SLC9A7: variants seen among roughly 807,000 people sequenced by gnomAD.
The protein encoded by SLC9A7 is sodium/hydrogen exchanger 7.
A neutral mutation model predicts 52.6 loss-of-function variants in SLC9A7; 19 were observed. The ratio of observed to expected loss-of-function variants is 0.36; its 90% CI spans 0.25 to 0.53. The LOEUF is 0.53. SLC9A7 is among the 20% of genes least tolerant of loss of function. The pLI is 0.91. For synonymous variants in SLC9A7, 226 were observed against 252.1 expected, an observed-to-expected ratio of 0.90 and a Z score of 0.98; for missense variants, 455 against 597.9, an observed-to-expected ratio of 0.76 and a Z score of 2.49.
chrX:46,656,710 T>C (rs1275023899), intron 7 of SLC9A7, among the ~76,000 whole-genome samples: 3 of 111,295 alleles, frequency 2.7e-5, no homozygotes, highest in Non-Finnish European at 5.7e-5. Flanking sequence ...CTCCAAGAAA[T>C]ATGGGATTAT....
At chrX:46,708,062 C>T (rs917956065) in intron 1 of SLC9A7, among the ~76,000 whole-genome samples, 3 of 112,248 alleles carry the variant, frequency 2.7e-5, no homozygotes, top group Non-Finnish European at 5.6e-5. Context: ...TTAGTGCCAG[C>T]TACTTGGGAG....
At chrX:46,641,840 G>A (rs1943410770) in intron 12 of SLC9A7, among the ~76,000 whole-genome samples, 1 of 111,880 alleles carries the variant, frequency 8.9e-6, no homozygotes, top group East Asian at 2.8e-4. Flanking sequence ...TTGTGCCTCA[G>A]TTTCCCCAAC....
At chrX:46,752,359 A>T (rs1922296250) in intron 1 of SLC9A7, among the ~76,000 whole-genome samples, 1 of 111,406 alleles carries the variant, frequency 9.0e-6, no homozygotes, top group Non-Finnish European at 1.9e-5. Flanking sequence ...TCCCCAAAAC[A>T]TCTTTTATAA....
chrX:46,622,876 T>C (rs1439705160), intron 14 of SLC9A7, among the ~76,000 whole-genome samples: 2 of 112,021 alleles, frequency 1.8e-5, no homozygotes, highest in Non-Finnish European at 3.8e-5. Flanking sequence ...CTGCAATCCA[T>C]GAATAAGATA....
chrX:46,698,657 T>G (rs1462765204), intron 1 of SLC9A7, among the ~76,000 whole-genome samples: 1 of 112,256 alleles, frequency 8.9e-6, no homozygotes, highest in Non-Finnish European at 1.9e-5. Context: ...TTGGAATAGT[T>G]TAGCTATTAC....
intron 7 of SLC9A7, among the ~76,000 whole-genome samples, chrX:46,661,123 C>CA (rs1392606070): frequency 5.6e-5 from 6 of 106,477 alleles, no homozygotes; most frequent in Admixed American, 4.2e-4. Context: ...ATCGCAAGAA[C>CA]AAAAAACCAA....
intron 1 of SLC9A7, among the ~76,000 whole-genome samples, chrX:46,703,380 T>C (rs1311564265): frequency 2.7e-5 from 3 of 112,294 alleles, no homozygotes; most frequent in Non-Finnish European, 5.6e-5. Context: ...CTAGGATTAA[T>C]ATAGTTTACA....
At chrX:46,631,026 A>G (rs937675662) in intron 14 of SLC9A7, among the ~76,000 whole-genome samples, 1 of 112,211 alleles carries the variant, frequency 8.9e-6, no homozygotes, top group Non-Finnish European at 1.9e-5. Context: ...CAGGTGCCAG[A>G]CATATGAGTA....
Position 46,599,558 on chromosome X carries a change from G to A in SLC9A7, c.*7394C>T, listed in dbSNP as rs1159522423. 2 of 111,802 alleles carry A rather than the reference G, an allele frequency of 1.8e-5. No individual in the cohort carries two copies. The highest frequency in any genetic ancestry group is 6.5e-5 in the African/African-American group (2 of 30,754). The allele number at this position is 111,802 out of a possible 1,213,427, so 9.2% of individuals were successfully genotyped here. On this transcript the variant is annotated 3_prime_UTR_variant, in exon 17 of 17. Transcript: ENST00000616978. The stretch of plus-strand genomic sequence containing the variant: ...ATGTGTTAAATATCAGTAAAGGGCA[G>A]GAACACACATGGCTAGCTTTACAAT...
Position 46,606,142 on chromosome X carries a change from G to A in SLC9A7, c.*810C>T. 1 of 545,548 alleles carries A rather than the reference G, an allele frequency of 1.8e-6. No homozygotes were observed. The highest frequency in any genetic ancestry group is 2.5e-5 in the African/African-American group (1 of 39,341). The allele number at this position is 545,548 out of a possible 1,213,427, so 45.0% of individuals were successfully genotyped here. On this transcript the variant is annotated 3_prime_UTR_variant, in exon 17 of 17. Coordinates refer to ENST00000616978, the MANE Select transcript of SLC9A7 (RefSeq NM_001257291.2). ...TGCACTCCAGCCTGGGTGACAGAGT[G>A]AAACACCATCTCAACAAAAAAAAAA...
rs1922927291 is a variant in SLC9A7 at position 46,759,046 on chromosome X, G to A, written c.-17C>T. The stretch of plus-strand genomic sequence containing the variant: ...AGGCTCCATGGTCCCGGGGCCCCCC[G>A]CGCCTCCTCCGAGCGGGGACCAGCA... On this transcript the variant is annotated 5_prime_UTR_variant, in exon 1 of 17. Transcript: ENST00000616978. 3 of 914,522 alleles carry A rather than the reference G, an allele frequency of 3.3e-6. No homozygotes were observed. Among genetic ancestry groups the A allele is most frequent in the Non-Finnish European group, 4.0e-6 (3 of 741,045 alleles). 75.4% of individuals were successfully genotyped at this position (914,522 alleles called of 1,213,427 possible).
intron 1 of SLC9A7, among the ~76,000 whole-genome samples, chrX:46,694,587 T>C (rs1328158072): frequency 1.8e-5 from 2 of 111,920 alleles, no homozygotes; most frequent in Non-Finnish European, 3.8e-5. Context: ...ATACAGATAC[T>C]AACATATGTT....
chrX:46,603,659 A>G lies in SLC9A7; in HGVS notation c.*3293T>C, dbSNP rs1569495779. On this transcript the variant is annotated 3_prime_UTR_variant, in exon 17 of 17. Transcript: ENST00000616978. ...CGAGACCATCCTGCCCAACATGGTG[A>G]AACTCTGTCTCTACTAAAAATATAA... is the stretch of plus-strand genomic sequence containing the variant. 9.0e-6 allele frequency: 1 copy of G among 111,582 alleles called. No individual in the cohort carries two copies. The highest frequency in any genetic ancestry group is 9.5e-5 in the Admixed American group (1 of 10,517). 9.2% of individuals were successfully genotyped at this position (111,582 alleles called of 1,213,427 possible).
intron 1 of SLC9A7, among the ~76,000 whole-genome samples, chrX:46,729,060 T>G (rs773022353): frequency 8.9e-6 from 1 of 112,171 alleles, no homozygotes; most frequent in East Asian, 2.8e-4. Flanking sequence ...GTTACACAAG[T>G]GTACGCAGTG....
chrX:46,747,569 C>CA (rs754162758), intron 1 of SLC9A7, among the ~76,000 whole-genome samples: 1 of 109,567 alleles, frequency 9.1e-6, no homozygotes, highest in Non-Finnish European at 1.9e-5. Flanking sequence ...AAAGCAAATG[C>CA]AAAAAAAATT....
At chrX:46,616,506 C>A (rs984889650) in intron 15 of SLC9A7, among the ~76,000 whole-genome samples, 2 of 111,348 alleles carry the variant, frequency 1.8e-5, no homozygotes, top group East Asian at 2.8e-4. Context: ...AGAAGAGAAC[C>A]CTTGAGTATC....
intron 1 of SLC9A7, among the ~76,000 whole-genome samples, chrX:46,715,226 C>T (rs886613555): frequency 8.9e-6 from 1 of 111,758 alleles, no homozygotes; most frequent in African/African-American, 3.3e-5. Flanking sequence ...TTATTTATAT[C>T]ACAGATTAGT....
Position 46,601,699 on chromosome X carries a change from C to T in SLC9A7, c.*5253G>A, listed in dbSNP as rs1279806264. 1 of 112,532 alleles carries T rather than the reference C, an allele frequency of 8.9e-6. No individual in the cohort carries two copies. The highest frequency in any genetic ancestry group is 9.4e-5 in the Admixed American group (1 of 10,597). The allele number at this position is 112,532 out of a possible 1,213,427, so 9.3% of individuals were successfully genotyped here. On this transcript the variant is annotated 3_prime_UTR_variant, in exon 17 of 17. Coordinates refer to ENST00000616978, the MANE Select transcript of SLC9A7 (RefSeq NM_001257291.2). The stretch of plus-strand genomic sequence containing the variant: ...GGATGCTCGGATCCATATGCCCTTC[C>T]TGTGATTGTGTCCTAGGAAGAAATG...
At chrX:46,662,462 G>A in intron 6 of SLC9A7, 76 bp downstream of exon 6, 2 of 727,541 alleles carry the variant, frequency 2.7e-6, no homozygotes, top group Non-Finnish European at 4.2e-6. Flanking sequence ...ATACATTTAA[G>A]ATAAGCCTCT....
Sources: allele counts gnomAD v4.1 joint callset (sites outside exome capture counted in the v4.1 genomes callset), GRCh38; gene constraint gnomAD v4.1.1; transcripts MANE v1.5; gene names NCBI Gene and HGNC (gene_info 2026-07-23, HGNC 2026-07-21).